Variants in CRMP1 observed in about 807,000 individuals in gnomAD.
The protein encoded by CRMP1 is collapsin response mediator protein 1.
In CRMP1, 19 loss-of-function variants were observed where a neutral mutation model predicts 68.3. The ratio of observed to expected loss-of-function variants is 0.28; its 90% CI spans 0.19 to 0.41. The LOEUF (loss-of-function observed/expected upper bound fraction) is 0.41. Ranked by LOEUF, CRMP1 falls within the 10% of genes least tolerant of loss-of-function variation. CRMP1 has a pLI of 1.00. For missense variants in CRMP1, 791 were observed against 967.4 expected (o/e 0.82, Z 2.42); for synonymous variants, 439 against 399.6 (o/e 1.10, Z -1.18).
In CRMP1 at chr4:5,841,298, G is replaced by A. The variant is rs201501586; in HGVS notation, c.1153+10C>T. The A allele has an allele frequency of 2.8e-4, 444 of 1,613,656 alleles. No homozygotes were observed. The highest frequency in any genetic ancestry group is 1.9e-3 in the Admixed American group (112 of 59,996). On this transcript the variant is annotated intron_variant, in intron 8 of 13. Coordinates refer to ENST00000324989, the MANE Select transcript of CRMP1 (RefSeq NM_001014809.3). The surrounding 1 kb of genome is among the most constrained non-coding windows in gnomAD (Gnocchi z 6.9). ...AGCTGCCCCCAGAAGGCCCAGGGCC[G>A]GCTGCATACCTTTCTTCCTGGCCAG...
intron 1 of CRMP1, chr4:5,887,410 C>A (rs1000384102): frequency 1.0e-6 from 1 of 985,430 alleles, no homozygotes; most frequent in Non-Finnish European, 1.2e-6. Context: ...TGGTCCGCAT[C>A]CCTCAGGAAC....
intron 11 of CRMP1, 60 bp from the exon 12 acceptor site, chr4:5,828,728 A>C (rs925330469): frequency 1.9e-6 from 3 of 1,562,324 alleles, no homozygotes; most frequent in African/African-American, 2.7e-5. Flanking sequence ...CGAGCTGTTC[A>C]TAACAGCGAT....
At chr4:5,864,267 G>C (rs1713817580) in intron 2 of CRMP1, among the ~76,000 whole-genome samples, 1 of 152,100 alleles carries the variant, frequency 6.6e-6, no homozygotes, top group African/African-American at 2.4e-5. Context: ...GTGTGGGATG[G>C]GGGAGCCCAC....
chr4:5,860,895 G>T lies in CRMP1; in HGVS notation c.655+131C>A. 1 of 893,990 alleles carries T rather than the reference G, an allele frequency of 1.1e-6. No individual in the cohort carries two copies. The highest frequency in any genetic ancestry group is 1.7e-6 in the Non-Finnish European group (1 of 597,500). 55.4% of individuals were successfully genotyped at this position (893,990 alleles called of 1,614,324 possible). The stretch of plus-strand genomic sequence containing the variant: ...TGTAAAACAGTGACCTGTGTCATAG[G>T]GCTGGGGGGAGAATGAAATCCAATG... On this transcript the variant is annotated intron_variant, in intron 3 of 13. Transcript: ENST00000324989. The surrounding 1 kb of genome is among the most constrained non-coding windows in gnomAD (Gnocchi z 4.2).
At chr4:5,835,243 G>A (rs1458198576) in intron 11 of CRMP1, among the ~76,000 whole-genome samples, 1 of 152,114 alleles carries the variant, frequency 6.6e-6, no homozygotes, top group Non-Finnish European at 1.5e-5. Flanking sequence ...TCTTGGGTCT[G>A]TGCGTGTAGT....
chr4:5,854,619 G>C lies in CRMP1; in HGVS notation c.820+1524C>G, dbSNP rs778166427. Among the ~76,000 whole-genome samples the C allele has an allele frequency of 6.6e-6, 1 of 152,070 alleles. No homozygotes were observed. On this transcript the variant is annotated intron_variant, in intron 4 of 13. Coordinates refer to ENST00000324989, the MANE Select transcript of CRMP1 (RefSeq NM_001014809.3). The surrounding 1 kb of genome is among the most constrained non-coding windows in gnomAD (Gnocchi z 4.0). ...GAAGAGTGGGCAAATAATACAATCA[G>C]CTATTCACATAAGGAAAAATGTATG...
rs1050895676 is a variant in CRMP1 at position 5,841,524 on chromosome 4, A to G, written c.1033-96T>C. 6 of 1,561,162 alleles carry G rather than the reference A, an allele frequency of 3.8e-6. No individual in the cohort carries two copies. In the African/African-American group the frequency reaches 8.1e-5, roughly 21 times the overall value. ...TTAATTGAATGTGATCAGAAGGGAA[A>G]TCTGCTCCATTGAATGAGAAGGACA... On this transcript the variant is annotated intron_variant, in intron 7 of 13. Transcript: ENST00000324989. This position sits in a 1 kb window ranked among gnomAD's most constrained non-coding sequence, Gnocchi z 6.9.
chr4:5,875,709 G>A (rs1334084901), intron 1 of CRMP1, among the ~76,000 whole-genome samples: 1 of 144,788 alleles, frequency 6.9e-6, no homozygotes, highest in East Asian at 2.1e-4. Flanking sequence ...GTGAGGAACA[G>A]GTGGGGGTTG....
chr4:5,837,851 T>A (rs1246831764), intron 9 of CRMP1, among the ~76,000 whole-genome samples: 2 of 152,122 alleles, frequency 1.3e-5, no homozygotes, highest in Non-Finnish European at 2.9e-5. Context: ...AACAAAATTG[T>A]GTTGCATGCT....
rs142993663 is a variant in CRMP1 at position 5,850,551 on chromosome 4, C to T, written c.882+857G>A. On this transcript the variant is annotated intron_variant, in intron 5 of 13. Transcript: ENST00000324989. This position sits in a 1 kb window ranked among gnomAD's most constrained non-coding sequence, Gnocchi z 4.4. ...CTATCTTCATGGTAATAACCAATTA[C>T]CCTGCTAACTGATGCCTGTATGGCA... Among the ~76,000 whole-genome samples, 128 of 152,264 alleles carry T rather than the reference C, an allele frequency of 8.4e-4. No homozygotes were observed. Among genetic ancestry groups the T allele is most frequent in the Middle Eastern group, 6.8e-3 (2 of 294 alleles).
rs59152465 is a variant in CRMP1 at position 5,891,212 on chromosome 4, A to ACACACACCCC, written c.381+1376_381+1377insGGGGTGTGTG. Among the ~76,000 whole-genome samples the ACACACACCCC allele has an allele frequency of 2.0e-5, 3 of 147,120 alleles. No individual in the cohort carries two copies. The highest frequency in any genetic ancestry group is 7.7e-5 in the African/African-American group (3 of 38,964). ...CACACACACACACACACACACACACACCCTTGCTGTTGGACCTCTCCCTCG... is the reference window on the plus strand; with the variant it reads ...CACACACACACACACACACACACACACACACACCCCCCCTTGCTGTTGGACCTCTCCCTCG... On this transcript the variant is annotated intron_variant, in intron 1 of 13. Coordinates refer to ENST00000324989, the MANE Select transcript of CRMP1 (RefSeq NM_001014809.3). The surrounding 1 kb of genome is among the most constrained non-coding windows in gnomAD (Gnocchi z 5.2).
chr4:5,831,670 G>A (rs908869834), intron 11 of CRMP1, among the ~76,000 whole-genome samples: 9 of 152,292 alleles, frequency 5.9e-5, no homozygotes, highest in South Asian at 2.1e-4. Context: ...GGTGAGGAAC[G>A]TGCTGTGCTT....
At chr4:5,835,044 TCTCCTTCTCCAGTATGTGAGCCCATA>T (rs1309447612) in intron 11 of CRMP1, among the ~76,000 whole-genome samples, 4,245 of 152,106 alleles carry the variant, frequency 0.028, 184 homozygotes, top group African/African-American at 0.094. Context: ...ACACCTGTGG[TCTCCTTCTCCAGTATGTGAGCCCATA>T]CTCCTTCTCC....
Position 5,825,323 on chromosome 4 carries a change from T to C in CRMP1, c.1969+171A>G. On this transcript the variant is annotated intron_variant, in intron 13 of 13. Transcript: ENST00000324989. This position sits in a 1 kb window ranked among gnomAD's most constrained non-coding sequence, Gnocchi z 4.4. The stretch of plus-strand genomic sequence containing the variant: ...TGGACCCCCCTCTGCTTGGTGACCA[T>C]GCCAGCCCACTCTGCCCCACCAGTG... The C allele has an allele frequency of 1.0e-6, 1 of 985,062 alleles. No homozygotes were observed. The highest frequency in any genetic ancestry group is 1.2e-6 in the Non-Finnish European group (1 of 829,858). The allele number at this position is 985,062 out of a possible 1,614,324, so 61.0% of individuals were successfully genotyped here.
At chr4:5,875,326 A>G (rs1714732459) in intron 1 of CRMP1, among the ~76,000 whole-genome samples, 1 of 151,572 alleles carries the variant, frequency 6.6e-6, no homozygotes, top group African/African-American at 2.4e-5. Context: ...GCATGGTGGG[A>G]ATAAATCTGT....
chr4:5,822,822 C>G (rs907241994), intron 13 of CRMP1, among the ~76,000 whole-genome samples: 4 of 152,192 alleles, frequency 2.6e-5, no homozygotes, highest in African/African-American at 9.7e-5. Flanking sequence ...AGATCCTCAG[C>G]TAACAGAAAA....
rs1180430675 is a variant in CRMP1 at position 5,838,097 on chromosome 4, C to T, written c.1311-1191G>A. Among the ~76,000 whole-genome samples, 2 of 152,116 alleles carry T rather than the reference C, an allele frequency of 1.3e-5. No homozygotes were observed. Among genetic ancestry groups the T allele is most frequent in the African/African-American group, 2.4e-5 (1 of 41,412 alleles). On this transcript the variant is annotated intron_variant, in intron 9 of 13. Transcript: ENST00000324989. The surrounding 1 kb of genome is among the most constrained non-coding windows in gnomAD (Gnocchi z 4.9). ...TTCCAGGAGGATAATCAGAAAATTA[C>T]GTCACTGAGGAGCCTTCTAGCAAAG...
intron 1 of CRMP1, among the ~76,000 whole-genome samples, chr4:5,886,083 T>C (rs922872202): frequency 1.3e-5 from 2 of 152,184 alleles, no homozygotes; most frequent in Admixed American, 1.3e-4. Flanking sequence ...TCCTCTCTGA[T>C]TTGCTGAAGG....
At chr4:5,833,600 C>A (rs911729742) in intron 11 of CRMP1, among the ~76,000 whole-genome samples, 2 of 151,986 alleles carry the variant, frequency 1.3e-5, no homozygotes, top group Non-Finnish European at 2.9e-5. Context: ...AACAATATAC[C>A]TAACTTAGAA....
Sources: gnomAD v4.1 joint callset for allele counts (sites outside exome capture counted in the v4.1 genomes callset) on GRCh38, gnomAD v4.1.1 for gene constraint, Gnocchi (gnomAD v3.1) non-coding constraint, MANE v1.5 for transcripts, NCBI Gene and HGNC (gene_info 2026-07-23, HGNC 2026-07-21) for gene names.